Variants in AGMO observed in about 807,000 individuals in gnomAD.
The protein encoded by AGMO is alkylglycerol monooxygenase, also known as glyceryl-ether monooxygenase.
Under a neutral mutation model 60.2 loss-of-function variants are expected in AGMO, and 75 were observed. That is an observed-to-expected ratio of 1.25 (90% CI 1.03 to 1.51). The LOEUF (loss-of-function observed/expected upper bound fraction) is 1.51. AGMO is among the 40% of genes most tolerant of loss of function. The pLI is 0.00. For missense variants in AGMO, 763 were observed against 525.5 expected (o/e 1.45, Z -4.42); for synonymous variants, 261 against 177.1 (o/e 1.47, Z -3.76).
At chr7:15,364,210 G>T (rs139076736) in intron 12 of AGMO, among the ~76,000 whole-genome samples, 1 of 151,776 alleles carries the variant, frequency 6.6e-6, no homozygotes, top group Non-Finnish European at 1.5e-5. Context: ...AGAATCTTCT[G>T]CTTCTTCCTT....
chr7:15,176,188 A>G, the AGMO span, among the ~76,000 whole-genome samples: 4 of 152,148 alleles, frequency 2.6e-5, no homozygotes, highest in East Asian at 7.7e-4. Context: ...ACATACAGTC[A>G]TTATTTACAT....
At chr7:15,215,427 C>T (rs187425990) in intron 12 of AGMO, among the ~76,000 whole-genome samples, 157 of 151,928 alleles carry the variant, frequency 1.0e-3, no homozygotes, top group Non-Finnish European at 1.6e-3. Context: ...GAAGACTCAA[C>T]ACAGCTTGAG....
At chr7:15,556,838 A>G (rs988007723) in intron 2 of AGMO, among the ~76,000 whole-genome samples, 2 of 152,056 alleles carry the variant, frequency 1.3e-5, no homozygotes, top group Non-Finnish European at 2.9e-5. Context: ...TCTAGAATAC[A>G]TAGACATATA....
intron 12 of AGMO, among the ~76,000 whole-genome samples, chr7:15,339,075 A>G (rs1461096704): frequency 6.6e-6 from 1 of 152,196 alleles, no homozygotes; most frequent in African/African-American, 2.4e-5. Flanking sequence ...CGGAACTGCA[A>G]GCTATGGAAA....
At chr7:15,123,762 A>G in the AGMO span, among the ~76,000 whole-genome samples, 21 of 152,214 alleles carry the variant, frequency 1.4e-4, no homozygotes, top group East Asian at 1.9e-3. Context: ...GAAATTAGCT[A>G]TTATCAATTT....
intron 3 of AGMO, among the ~76,000 whole-genome samples, chr7:15,494,667 T>C (rs932418136): frequency 7.9e-5 from 12 of 152,232 alleles, no homozygotes; most frequent in African/African-American, 1.9e-4. Context: ...TTGATAGTTA[T>C]GTCAATAAAT....
At chr7:15,272,129 CT>C (rs373644384) in intron 12 of AGMO, among the ~76,000 whole-genome samples, 100 of 150,708 alleles carry the variant, frequency 6.6e-4, no homozygotes, top group African/African-American at 2.0e-3. Context: ...GATATTGGCC[CT>C]TTTTTTCTTT....
At chr7:15,428,306 T>A (rs559556165) in intron 4 of AGMO, among the ~76,000 whole-genome samples, 1 of 152,252 alleles carries the variant, frequency 6.6e-6, no homozygotes, top group Non-Finnish European at 1.5e-5. Context: ...GAATCCAGGC[T>A]GACTTACAAT....
chr7:15,150,865 A>AT, the AGMO span, among the ~76,000 whole-genome samples: 1 of 151,888 alleles, frequency 6.6e-6, no homozygotes, highest in African/African-American at 2.4e-5. Context: ...CTCCTCCTTG[A>AT]TTTTTTTGGA....
intron 12 of AGMO, among the ~76,000 whole-genome samples, chr7:15,359,437 AAAAG>A: frequency 6.6e-6 from 1 of 152,304 alleles, no homozygotes; most frequent in South Asian, 2.1e-4. Context: ...CATTTCATTT[AAAAG>A]AAATATATTT....
intron 12 of AGMO, among the ~76,000 whole-genome samples, chr7:15,355,655 T>C (rs1399345144): frequency 6.6e-6 from 1 of 152,130 alleles, no homozygotes; most frequent in Non-Finnish European, 1.5e-5. Context: ...GAATTGTAGC[T>C]GGATATATCA....
chr7:15,344,952 T>C (rs997456522), intron 12 of AGMO, among the ~76,000 whole-genome samples: 1 of 152,172 alleles, frequency 6.6e-6, no homozygotes, highest in Non-Finnish European at 1.5e-5. Context: ...AGAACAATTA[T>C]CCTAAATCTT....
rs1319341899 is a variant in AGMO at position 15,390,746 on chromosome 7, T to A, written c.747A>T (p.Thr249=). Residue 249 remains threonine (T), a synonymous_variant, in exon 8 of 13, where the codon ACA becomes ACT. Transcript: ENST00000342526. Reference sequence around the variant, plus strand: ...CAACTTTTTCATTTTCTGCTTCAAATGTCCCTGGAAGATAAATATAAAGAT... The same window carrying A: ...CAACTTTTTCATTTTCTGCTTCAAAAGTCCCTGGAAGATAAATATAAAGAT... ...VLIIWDKIFG[T]FEAENEKVVY... is the part of the protein sequence containing the mutation. The A allele has an allele frequency of 6.2e-7, 1 of 1,608,784 alleles. No individual in the cohort carries two copies. Among genetic ancestry groups the A allele is most frequent in the Non-Finnish European group, 8.5e-7 (1 of 1,175,952 alleles).
In AGMO at chr7:15,366,489, T is replaced by C. The variant is rs368326290; in HGVS notation, c.1075-267A>G. ...TCATTTAAAATTATCCTTTAAAGTTTTGACTTTTATAATTTTTTGAAGCAT... is the reference window on the plus strand; with the variant it reads ...TCATTTAAAATTATCCTTTAAAGTTCTGACTTTTATAATTTTTTGAAGCAT... On this transcript the variant is annotated intron_variant, in intron 10 of 12. Transcript: ENST00000342526. Among the ~76,000 whole-genome samples, 14 of 152,154 alleles carry C rather than the reference T, an allele frequency of 9.2e-5. 1 individual carries two copies. In the East Asian group the frequency reaches 1.9e-3, roughly 21 times the overall value.
intron 2 of AGMO, among the ~76,000 whole-genome samples, chr7:15,555,000 T>A (rs755335310): frequency 6.6e-6 from 1 of 151,852 alleles, no homozygotes; most frequent in Non-Finnish European, 1.5e-5. Context: ...GGTGTAATAC[T>A]GTCGTTGAAA....
intron 12 of AGMO, among the ~76,000 whole-genome samples, chr7:15,325,448 T>G (rs1250790334): frequency 7.9e-6 from 1 of 127,042 alleles, no homozygotes; most frequent in Non-Finnish European, 1.9e-5. Context: ...TTAAAAAGCT[T>G]ATTTTTAATT....
chr7:15,393,754 A>T (rs1398744906), intron 6 of AGMO, among the ~76,000 whole-genome samples: 1 of 152,238 alleles, frequency 6.6e-6, no homozygotes, highest in Non-Finnish European at 1.5e-5. Context: ...GACTATAGAT[A>T]GGAATGACCT....
Position 15,229,892 on chromosome 7 carries a change from T to C in AGMO, c.1264-28533A>G, listed in dbSNP as rs931689466. On this transcript the variant is annotated intron_variant, in intron 12 of 12. Transcript: ENST00000342526. Reference sequence around the variant, plus strand: ...ACTAGATGTTATTCTGTAAAAGGAATTAGAAACATTATCTAATACTTTGTG... The same window carrying C: ...ACTAGATGTTATTCTGTAAAAGGAACTAGAAACATTATCTAATACTTTGTG... Among the ~76,000 whole-genome samples the C allele has an allele frequency of 3.3e-5, 5 of 151,514 alleles. No homozygotes were observed. In the East Asian group the frequency reaches 9.7e-4, roughly 29 times the overall value.
chr7:15,489,617 T>C (rs1313557016), intron 3 of AGMO, among the ~76,000 whole-genome samples: 1 of 152,184 alleles, frequency 6.6e-6, no homozygotes, highest in Non-Finnish European at 1.5e-5. Flanking sequence ...TCTACTGCTC[T>C]GTTGGGCTGA....
Sources: gnomAD v4.1 joint callset for allele counts (sites outside exome capture counted in the v4.1 genomes callset) on GRCh38, gnomAD v4.1.1 for gene constraint, MANE v1.5 for transcripts, NCBI Gene and HGNC (gene_info 2026-07-23, HGNC 2026-07-21) for gene names.